The following PCDH15 variants were observed in gnomAD, a reference collection of about 807,000 sequenced individuals.
PCDH15 encodes protocadherin-15.
PCDH15 carries 129 observed loss-of-function variants against 178.5 expected under a neutral mutation model. The ratio of observed to expected loss-of-function variants is 0.72; its 90% CI spans 0.63 to 0.84. The LOEUF (loss-of-function observed/expected upper bound fraction) is 0.84. PCDH15 is among the 40% of genes least tolerant of loss of function. The pLI is 0.00. For synonymous variants in PCDH15, 800 were observed against 732.0 expected (o/e 1.09, Z -1.50); for missense variants, 2,230 against 2,099.9 (o/e 1.06, Z -1.21).
intron 1 of PCDH15, among the ~76,000 whole-genome samples, chr10:54,742,139 T>G (rs1944892355): frequency 6.6e-6 from 1 of 152,084 alleles, no homozygotes; most frequent in Non-Finnish European, 1.5e-5. Context: ...CCATTTAATT[T>G]TTGTTATGAG....
At chr10:55,519,075 C>T (rs1269113658) in intron 2 of PCDH15, among the ~76,000 whole-genome samples, 1 of 106,464 alleles carries the variant, frequency 9.4e-6, no homozygotes, top group Non-Finnish European at 1.7e-5. Context: ...GCCTGGGCAA[C>T]AGAGTGAGAT....
intron 2 of PCDH15, among the ~76,000 whole-genome samples, chr10:54,953,083 C>T (rs992577109): frequency 6.6e-6 from 1 of 151,482 alleles, no homozygotes; most frequent in African/African-American, 2.4e-5. Flanking sequence ...TTCATGTGAA[C>T]GCACCTAGTT....
intron 2 of PCDH15, among the ~76,000 whole-genome samples, chr10:55,626,564 C>T (rs138459497): frequency 1.7e-4 from 26 of 152,280 alleles, no homozygotes; most frequent in African/African-American, 5.8e-4. Flanking sequence ...GGTTAACTTG[C>T]CGCTCTCTTT....
chr10:54,536,615 T>C (rs1046444299), intron 2 of PCDH15, among the ~76,000 whole-genome samples: 2 of 152,146 alleles, frequency 1.3e-5, no homozygotes, highest in African/African-American at 2.4e-5. Context: ...CAGCACTCAA[T>C]AGTTGTTTTT....
intron 25 of PCDH15, among the ~76,000 whole-genome samples, chr10:53,909,178 A>G (rs2082890182): frequency 6.6e-6 from 1 of 151,982 alleles, no homozygotes; most frequent in African/African-American, 2.4e-5. Flanking sequence ...ATGGTTTTAT[A>G]AGGGGTGCTT....
chr10:55,074,059 T>C (rs150640205), intron 2 of PCDH15, among the ~76,000 whole-genome samples: 29,123 of 151,850 alleles, frequency 0.19, 3,566 homozygotes, highest in Non-Finnish European at 0.28. Flanking sequence ...TTTCTATGGC[T>C]GCATAGTATT....
intron 8 of PCDH15, among the ~76,000 whole-genome samples, chr10:54,272,553 G>A (rs1010121889): frequency 6.6e-6 from 1 of 152,084 alleles, no homozygotes; most frequent in Non-Finnish European, 1.5e-5. Flanking sequence ...TTCAAAAGAT[G>A]TTAAGTAAAC....
chr10:54,122,629 T>C (rs1030098696), intron 15 of PCDH15, among the ~76,000 whole-genome samples: 1 of 151,800 alleles, frequency 6.6e-6, no homozygotes, highest in Non-Finnish European at 1.5e-5. Flanking sequence ...ACTGGTGATA[T>C]GATTTTATAC....
intron 2 of PCDH15, among the ~76,000 whole-genome samples, chr10:55,517,591 G>GT (rs1450761655): frequency 5.3e-5 from 8 of 152,006 alleles, no homozygotes; most frequent in Non-Finnish European, 8.8e-5. Context: ...GAGAATAGTG[G>GT]TTTTTTTACA....
chr10:55,155,228 G>A (rs753841311), intron 2 of PCDH15, among the ~76,000 whole-genome samples: 5 of 151,982 alleles, frequency 3.3e-5, no homozygotes, highest in East Asian at 1.9e-4. Context: ...CAGTTACTTC[G>A]GTGCAGTTAC....
chr10:55,003,178 A>G (rs1591829703), intron 2 of PCDH15, among the ~76,000 whole-genome samples: 1 of 152,168 alleles, frequency 6.6e-6, no homozygotes, highest in African/African-American at 2.4e-5. Context: ...TTTGTTATCC[A>G]CAATTGTTTT....
intron 1 of PCDH15, among the ~76,000 whole-genome samples, chr10:55,242,514 GCTTTC>G (rs1841573153): frequency 6.6e-6 from 1 of 151,970 alleles, no homozygotes; most frequent in South Asian, 2.1e-4. Context: ...TTTTGTGTTT[GCTTTC>G]CTTTCATTTA....
At chr10:53,822,393 C>G (rs148749397) in intron 32 of PCDH15, 1 of 1,565,508 alleles carries the variant, frequency 6.4e-7, no homozygotes, top group African/African-American at 1.4e-5. Context: ...GGGAGGAGGA[C>G]AAAAAAGAGA....
At chr10:55,315,263 C>T (rs1843695129) in intron 1 of PCDH15, among the ~76,000 whole-genome samples, 1 of 152,062 alleles carries the variant, frequency 6.6e-6, no homozygotes, top group African/African-American at 2.4e-5. Context: ...ATTATAAAAA[C>T]TATTCTTTTT....
chr10:54,342,810 C>T (rs990222721), intron 6 of PCDH15, among the ~76,000 whole-genome samples: 1 of 152,178 alleles, frequency 6.6e-6, no homozygotes, highest in Non-Finnish European at 1.5e-5. Context: ...GGATGTGAGA[C>T]ATGGAGTCAA....
At chr10:54,763,767 T>G (rs1245603881) in intron 1 of PCDH15, among the ~76,000 whole-genome samples, 1 of 144,980 alleles carries the variant, frequency 6.9e-6, no homozygotes, top group Non-Finnish European at 1.5e-5. Flanking sequence ...TATATATATA[T>G]AGTATATAAA....
At chr10:54,332,493 C>G (rs762491197) in intron 6 of PCDH15, among the ~76,000 whole-genome samples, 29 of 148,126 alleles carry the variant, frequency 2.0e-4, no homozygotes, top group Admixed American at 1.1e-3. Context: ...GCTCTTCACA[C>G]CTGATATTTG....
At chr10:54,182,939 G>C (rs2048131092) in intron 13 of PCDH15, among the ~76,000 whole-genome samples, 1 of 151,624 alleles carries the variant, frequency 6.6e-6, no homozygotes, top group African/African-American at 2.4e-5. Flanking sequence ...CTCCTTTAGA[G>C]TCCATATAGA....
intron 6 of PCDH15, among the ~76,000 whole-genome samples, chr10:54,330,493 T>C (rs1324523952): frequency 9.2e-5 from 14 of 151,960 alleles, no homozygotes. Context: ...CTATGTGATA[T>C]ATCATTGACC....
Sources: gnomAD v4.1 joint callset for allele counts (sites outside exome capture counted in the v4.1 genomes callset) on GRCh38, gnomAD v4.1.1 for gene constraint, MANE v1.5 for transcripts, NCBI Gene and HGNC (gene_info 2026-07-23, HGNC 2026-07-21) for gene names.